The following MTRF1 variants were observed in gnomAD, a reference collection of about 807,000 sequenced individuals.
The protein encoded by MTRF1 is mitochondrial translation release factor 1.
A neutral mutation model predicts 62.9 loss-of-function variants in MTRF1; 51 were observed. The ratio of observed to expected loss-of-function variants is 0.81; its 90% CI spans 0.65 to 1.02. The LOEUF (loss-of-function observed/expected upper bound fraction) is 1.02, where lower values mean the gene tolerates loss of function less well. MTRF1 is among the 50% of genes least tolerant of loss of function. MTRF1 has a pLI of 0.00. For synonymous variants in MTRF1, 158 were observed against 181.9 expected, an observed-to-expected ratio of 0.87 and a Z score of 1.06; for missense variants, 446 against 530.0, an observed-to-expected ratio of 0.84 and a Z score of 1.56.
chr13:41,238,081 T>C (rs115677998), intron 6 of MTRF1, among the ~76,000 whole-genome samples: 2,061 of 152,256 alleles, frequency 0.014, 47 homozygotes, highest in African/African-American at 0.047. Context: ...AAACATGTAT[T>C]TCCTGGCTAT....
chr13:41,311,556 G>A, the MTRF1 span: 5 of 1,608,754 alleles, frequency 3.1e-6, no homozygotes, highest in Non-Finnish European at 4.2e-6. Flanking sequence ...GCCGCCCAAG[G>A]AGAGCAACCT....
chr13:41,267,628 G>C (rs1438858562), upstream of MTRF1, among the ~76,000 whole-genome samples: 1 of 152,166 alleles, frequency 6.6e-6, no homozygotes, highest in African/African-American at 2.4e-5. Context: ...CAGCACTTTA[G>C]GGAGCCAAGG....
rs2138604940 is a variant in MTRF1 at position 41,217,207 on chromosome 13, C to T, written c.1246G>A (p.Gly416Ser). ...AGTCTCTGAATTAGCTGATCCAGGC[C>T]CTTCCCACCACATAAAAATTCCTGG... ...DIKEFLCGGK[G>S]LDQLIQRLLQ... The change falls in exon 10 of 10, where the codon GGC (glycine) becomes AGC (serine). Residue 416 changes from glycine (G) to serine (S), a missense_variant. By Grantham distance (56) the Gly-to-Ser change is moderately conservative (BLOSUM62 0). Coordinates refer to ENST00000379480, the MANE Select transcript of MTRF1 (RefSeq NM_004294.4). The T allele has an allele frequency of 6.2e-7, 1 of 1,604,692 alleles. No homozygotes were observed. The highest frequency in any genetic ancestry group is 8.5e-7 in the Non-Finnish European group (1 of 1,175,266).
At chr13:41,305,405 C>T in the MTRF1 span, among the ~76,000 whole-genome samples, 31 of 152,272 alleles carry the variant, frequency 2.0e-4, no homozygotes, top group Non-Finnish European at 3.7e-4. Context: ...AACTTGCCTT[C>T]TGAAAATGTT....
At chr13:41,297,340 G>A in the MTRF1 span, among the ~76,000 whole-genome samples, 2 of 152,170 alleles carry the variant, frequency 1.3e-5, no homozygotes, top group Non-Finnish European at 2.9e-5. Flanking sequence ...ATCTTTTGGT[G>A]TTGAGTGTTC....
intron 9 of MTRF1, among the ~76,000 whole-genome samples, chr13:41,222,115 A>T (rs2033494551): frequency 6.6e-6 from 1 of 152,176 alleles, no homozygotes; most frequent in South Asian, 2.1e-4. Flanking sequence ...AGGATGGGAC[A>T]GAGTCAAGTG....
intron 1 of MTRF1, chr13:41,261,690 C>T (rs973021590): frequency 2.1e-6 from 1 of 476,436 alleles, no homozygotes; most frequent in Admixed American, 6.4e-5. Context: ...AGTCAAGTAA[C>T]TTAATCACGA....
chr13:41,290,694 G>C, the MTRF1 span, among the ~76,000 whole-genome samples: 1 of 151,694 alleles, frequency 6.6e-6, no homozygotes, highest in Non-Finnish European at 1.5e-5. Context: ...TGCTTGGCCT[G>C]TAATGGTTCT....
chr13:41,261,710 C>T lies in MTRF1; in HGVS notation c.-8-795G>A, dbSNP rs142056489. 44 of 716,724 alleles carry T rather than the reference C, an allele frequency of 6.1e-5. No individual in the cohort carries two copies. The African/African-American group carries it at 7.9e-4, about 13-fold the overall frequency. 44.4% of individuals were successfully genotyped at this position (716,724 alleles called of 1,614,324 possible). A position where few individuals can be genotyped will look rare whatever the true frequency, so the allele number is the denominator to read the frequency against. On this transcript the variant is annotated intron_variant, in intron 1 of 9. Transcript: ENST00000379480. ...AGTAACTTAATCACGACTATTCAGT[C>T]GGCTGGATGGAGACAGAGCTGGTAT...
intron 7 of MTRF1, 90 bp downstream of exon 7, chr13:41,233,800 G>C (rs1566090462): frequency 1.0e-6 from 1 of 991,664 alleles, no homozygotes. Context: ...GCTGTGCAAG[G>C]AACCAGACAC....
At chr13:41,252,811 A>C (rs1470482046) in intron 4 of MTRF1, 59 bp from the exon 5 acceptor site, 8 of 1,460,510 alleles carry the variant, frequency 5.5e-6, no homozygotes, top group Non-Finnish European at 5.7e-6. Flanking sequence ...CACCCTTAAG[A>C]CTAAGTCCTT....
chr13:41,236,975 C>T (rs183158151), intron 6 of MTRF1, among the ~76,000 whole-genome samples: 2,032 of 152,092 alleles, frequency 0.013, 46 homozygotes, highest in African/African-American at 0.046. Flanking sequence ...CTCAGCACTT[C>T]GGGTGGCCAA....
intron 5 of MTRF1, among the ~76,000 whole-genome samples, chr13:41,251,993 C>T (rs911425131): frequency 6.6e-6 from 1 of 151,980 alleles, no homozygotes; most frequent in Non-Finnish European, 1.5e-5. Context: ...GATTCTCCTG[C>T]CTCAGCCTCT....
intron 1 of MTRF1, among the ~76,000 whole-genome samples, chr13:41,262,833 C>T (rs2040616555): frequency 6.6e-6 from 1 of 152,200 alleles, no homozygotes; most frequent in South Asian, 2.1e-4. Flanking sequence ...TCAAACTTTA[C>T]TGTCTCCAGT....
In MTRF1 at chr13:41,220,762, G is replaced by C. The variant is rs969273567; in HGVS notation, c.1224+2494C>G. 7.0e-6 allele frequency: 3 copies of C among 429,748 alleles called. No homozygotes were observed. The Admixed American group carries it at 9.0e-5, about 13-fold the overall frequency. The allele number at this position is 429,748 out of a possible 1,614,324, so 26.6% of individuals were successfully genotyped here. ...TTCTCACTGAAGATGCTTTCTCTTG[G>C]TGGCTGAAAATGTGGCCTCTAACCT... is the stretch of plus-strand genomic sequence containing the variant. On this transcript the variant is annotated intron_variant, in intron 9 of 9. Coordinates refer to ENST00000379480, the MANE Select transcript of MTRF1 (RefSeq NM_004294.4).
the MTRF1 span, among the ~76,000 whole-genome samples, chr13:41,271,084 CACACACA>C: frequency 4.7e-5 from 7 of 149,608 alleles, 1 homozygote; most frequent in African/African-American, 1.8e-4. Flanking sequence ...CACACACACA[CACACACA>C]CCCCATATAG....
chr13:41,249,619 CTTTTTTTTTTTTT>C (rs1166204914), intron 5 of MTRF1, among the ~76,000 whole-genome samples: 1 of 61,536 alleles, frequency 1.6e-5, no homozygotes, highest in South Asian at 7.9e-4. Flanking sequence ...ATTTTTTTTT[CTTTTTTTTTTTTT>C]TTTTTTTTTT....
At chr13:41,233,662 C>T (rs867983317) in intron 7 of MTRF1, among the ~76,000 whole-genome samples, 1 of 152,142 alleles carries the variant, frequency 6.6e-6, no homozygotes, top group African/African-American at 2.4e-5. Flanking sequence ...ATCCAGCATA[C>T]CTGGGAAGCT....
intron 5 of MTRF1, among the ~76,000 whole-genome samples, chr13:41,245,997 G>A (rs948765909): frequency 6.6e-6 from 1 of 152,126 alleles, no homozygotes; most frequent in Non-Finnish European, 1.5e-5. Flanking sequence ...GAGAGGTCAT[G>A]CAGGCTAGAC....
Sources: allele counts gnomAD v4.1 joint callset (sites outside exome capture counted in the v4.1 genomes callset), GRCh38; gene constraint gnomAD v4.1.1; transcripts MANE v1.5; gene names NCBI Gene and HGNC (gene_info 2026-07-23, HGNC 2026-07-21).